Variants in SMG1 observed in about 807,000 individuals in gnomAD.
The protein encoded by SMG1 is serine/threonine-protein kinase SMG1.
In SMG1, 22 loss-of-function variants were observed where a neutral mutation model predicts 419.9. The ratio of observed to expected loss-of-function variants is 0.05; its 90% CI spans 0.04 to 0.07. SMG1 has a LOEUF of 0.07. Ranked by LOEUF, SMG1 falls within the 10% of genes least tolerant of loss-of-function variation. The pLI is 1.00. For synonymous variants in SMG1, 1,538 were observed against 1,553.5 expected, an observed-to-expected ratio of 0.99 and a Z score of 0.23; for missense variants, 3,185 against 4,342.0, an observed-to-expected ratio of 0.73 and a Z score of 7.49.
intron 54 of SMG1, among the ~76,000 whole-genome samples, chr16:18,828,409 A>G: frequency 6.6e-6 from 1 of 152,208 alleles, no homozygotes; most frequent in East Asian, 1.9e-4. Context: ...CACCATTTAA[A>G]TAGTAATTCT....
At chr16:18,883,062 T>C (rs1031207501) in intron 9 of SMG1, among the ~76,000 whole-genome samples, 1 of 152,134 alleles carries the variant, frequency 6.6e-6, no homozygotes, top group African/African-American at 2.4e-5. Context: ...CTTCCTTGCT[T>C]TTCTAGGAAA....
intron 16 of SMG1, 149 bp from the exon 17 acceptor site, chr16:18,871,037 A>C (rs2035790512): frequency 1.6e-6 from 1 of 618,316 alleles, no homozygotes. Flanking sequence ...ATTCTCACTG[A>C]CTGTCACATT....
At chr16:18,847,780 A>T (rs1470583030) in intron 37 of SMG1, 36 bp downstream of exon 37, 2 of 1,599,044 alleles carry the variant, frequency 1.3e-6, no homozygotes, top group South Asian at 2.2e-5. Context: ...ATTATTCTAT[A>T]AAAAATTCTT....
At chr16:18,908,476 C>CAAAAA (rs59890240) in intron 1 of SMG1, among the ~76,000 whole-genome samples, 2 of 83,700 alleles carry the variant, frequency 2.4e-5, no homozygotes, top group African/African-American at 8.8e-5. Context: ...GACTCCGTCT[C>CAAAAA]AAAAAAAAAA....
At chr16:18,924,661 A>ATT (rs913954126) in intron 1 of SMG1, among the ~76,000 whole-genome samples, 1 of 148,990 alleles carries the variant, frequency 6.7e-6, no homozygotes, top group Non-Finnish European at 1.5e-5. Flanking sequence ...ATCGAACAAT[A>ATT]TTTTTTTTTT....
chr16:18,887,755 A>G (rs1423476391), intron 6 of SMG1, among the ~76,000 whole-genome samples: 1 of 125,740 alleles, frequency 8.0e-6, no homozygotes, highest in Non-Finnish European at 1.6e-5. Context: ...AAGCATATCA[A>G]AAACAGTAAA....
Position 18,862,619 on chromosome 16 carries a change from T to C in SMG1, c.3695+1031A>G, listed in dbSNP as rs201482976. Among the ~76,000 whole-genome samples, 6 of 152,284 alleles carry C rather than the reference T, an allele frequency of 3.9e-5. No individual in the cohort carries two copies. In the East Asian group the frequency reaches 1.2e-3, roughly 29 times the overall value. Reference sequence around the variant, plus strand: ...TCTCTTCCCTCTACCATTGCCCCCATAAATTAATGGTCTCCATGCTTCCAT... The same window carrying C: ...TCTCTTCCCTCTACCATTGCCCCCACAAATTAATGGTCTCCATGCTTCCAT... On this transcript the variant is annotated intron_variant, in intron 25 of 62. Coordinates refer to ENST00000446231, the MANE Select transcript of SMG1 (RefSeq NM_015092.5).
intron 1 of SMG1, among the ~76,000 whole-genome samples, chr16:18,918,298 A>T (rs1194648966): frequency 6.6e-6 from 1 of 152,178 alleles, no homozygotes; most frequent in Non-Finnish European, 1.5e-5. Context: ...AAAGAAAAAA[A>T]CACTTGAACT....
At chr16:18,818,804 C>G (rs2032251673) in intron 56 of SMG1, among the ~76,000 whole-genome samples, 1 of 147,990 alleles carries the variant, frequency 6.8e-6, no homozygotes, top group Admixed American at 7.0e-5. Flanking sequence ...AGCCTCTTGA[C>G]AGGGCACAAG....
chr16:18,814,029 CA>C (rs34998351), intron 60 of SMG1, among the ~76,000 whole-genome samples: 402 of 60,128 alleles, frequency 6.7e-3, no homozygotes, highest in African/African-American at 0.025. Flanking sequence ...AGACTCATCT[CA>C]AAAAAAAAAA....
At chr16:18,895,375 A>T (rs1296720195) in intron 3 of SMG1, among the ~76,000 whole-genome samples, 1 of 151,946 alleles carries the variant, frequency 6.6e-6, no homozygotes, top group East Asian at 1.9e-4. Flanking sequence ...GCTACTTGGG[A>T]GGCTGAGGCA....
At chr16:18,897,015 T>C in intron 1 of SMG1, 59 bp from the exon 2 acceptor site, 1 of 1,245,752 alleles carries the variant, frequency 8.0e-7, no homozygotes, top group Non-Finnish European at 1.1e-6. Context: ...AATATTTCTT[T>C]ATACAAGCCT....
chr16:18,924,294 T>C (rs1026098321), intron 1 of SMG1, among the ~76,000 whole-genome samples: 9 of 152,238 alleles, frequency 5.9e-5, no homozygotes, highest in Admixed American at 2.6e-4. Context: ...CTGTCAGCAA[T>C]GAAGTCAGCT....
rs1183259851 is a variant in SMG1, at chr16:18,856,418, G to GC, written c.4235-1515_4235-1514insG. 3.5e-5 allele frequency: 5 copies of GC among 144,708 alleles called. No homozygotes were observed. In the East Asian group the frequency reaches 1.1e-3, roughly 31 times the overall value. 9.0% of individuals were successfully genotyped at this position (144,708 alleles called of 1,614,324 possible). A position where few individuals can be genotyped will look rare whatever the true frequency, so the allele number is the denominator to read the frequency against. On this transcript the variant is annotated intron_variant, in intron 29 of 62. Transcript: ENST00000446231. The stretch of plus-strand genomic sequence containing the variant: ...GTGGCGTGATCTTGGCTCAATGCAA[G>GC]ATCCGCCTCCCTGGTTCATGCCATT...
chr16:18,876,085 A>C, intron 13 of SMG1, 39 bp downstream of exon 13: 1 of 1,606,180 alleles, frequency 6.2e-7, no homozygotes, highest in Non-Finnish European at 8.5e-7. Context: ...AAAAGGCTTA[A>C]CTGTGGATAA....
At chr16:18,847,641 C>T (rs762845759) in intron 37 of SMG1, 34 bp from the exon 38 acceptor site, 2 of 1,612,980 alleles carry the variant, frequency 1.2e-6, no homozygotes, top group African/African-American at 2.7e-5. Context: ...AGCTCATCTA[C>T]AAGCCTATGC....
At chr16:18,920,816 A>G (rs1409108051) in intron 1 of SMG1, among the ~76,000 whole-genome samples, 4 of 151,442 alleles carry the variant, frequency 2.6e-5, no homozygotes, top group East Asian at 3.9e-4. Context: ...CTCCAACCTG[A>G]GCAATGGAGT....
Position 18,837,284 on chromosome 16 carries a change from C to G in SMG1, c.7573G>C (p.Val2525Leu). 2 of 1,613,908 alleles carry G rather than the reference C, an allele frequency of 1.2e-6. No homozygotes were observed. Among genetic ancestry groups the G allele is most frequent in the Non-Finnish European group, 1.7e-6 (2 of 1,179,844 alleles). Residue 2525 changes from valine to leucine, a missense_variant, in exon 46 of 63, where the codon GTG becomes CTG. Val to Leu is a conservative substitution (Grantham distance 32). This residue lies in a region of SMG1 where 412 missense variants were observed against 546.6 expected (regional missense o/e 0.75). Coordinates refer to ENST00000446231, the MANE Select transcript of SMG1 (RefSeq NM_015092.5). ...TGCAGAGTATGAGAAGGATGATCCACCCCTTCAGCTCCTTCTAGAAACTCT... is the reference window on the plus strand; with the variant it reads ...TGCAGAGTATGAGAAGGATGATCCAGCCCTTCAGCTCCTTCTAGAAACTCT... ...EIEFLEGAEG[V>L]DHPSHTLQHR...
chr16:18,859,167 T>C lies in SMG1; in HGVS notation c.3968A>G (p.Tyr1323Cys). The C allele has an allele frequency of 6.5e-7, 1 of 1,534,374 alleles. No individual in the cohort carries two copies. Among genetic ancestry groups the C allele is most frequent in the Non-Finnish European group, 8.7e-7 (1 of 1,145,954 alleles). ...AGCGATGCGGGATGTTTGCTTCAAG[T>C]ACTTTACCACATTTCTGAAACAAAA... ...WQSITENVVK[Y>C]LKQTSRIAIG... Residue 1323 changes from tyrosine (Y) to cysteine (C), a missense_variant, in exon 28 of 63, where the codon TAC (tyrosine) becomes TGC (cysteine). By Grantham distance (194) the Tyr-to-Cys change is radical. Around this residue, in one of 27 missense-constraint regions of SMG1, gnomAD observed 120 missense variants for 193.3 expected, o/e 0.62. Coordinates refer to ENST00000446231, the MANE Select transcript of SMG1 (RefSeq NM_015092.5).
Sources: gnomAD v4.1 joint callset for allele counts (sites outside exome capture counted in the v4.1 genomes callset) on GRCh38, gnomAD v4.1.1 for gene constraint, gnomAD v4.1.1 regional missense constraint, MANE v1.5 for transcripts, NCBI Gene and HGNC (gene_info 2026-07-23, HGNC 2026-07-21) for gene names.